Variants in BIN1 observed in about 807,000 individuals in gnomAD.
BIN1 encodes the protein bridging integrator 1, also known as myc box-dependent-interacting protein 1.
A neutral mutation model predicts 82.0 loss-of-function variants in BIN1; 53 were observed. That is an observed-to-expected ratio of 0.65 (90% CI 0.52 to 0.81). The LOEUF is 0.81. Among genes scored for constraint, BIN1 ranks in the 40% least tolerant of loss-of-function variants. The pLI, the probability that BIN1 is intolerant of heterozygous loss-of-function variation, is 0.00. For missense variants in BIN1, 642 were observed against 784.4 expected, an observed-to-expected ratio of 0.82 and a Z score of 2.17; for synonymous variants, 302 against 328.0, an observed-to-expected ratio of 0.92 and a Z score of 0.86.
intron 1 of BIN1, among the ~76,000 whole-genome samples, chr2:127,078,951 G>A (rs1686966890): frequency 1.3e-5 from 2 of 151,300 alleles, no homozygotes; most frequent in South Asian, 4.2e-4. Context: ...GAAGCTCTCA[G>A]AAACAGGGCA....
At chr2:127,106,105 C>T (rs72959057) in intron 1 of BIN1, among the ~76,000 whole-genome samples, 12,902 of 152,258 alleles carry the variant, frequency 0.085, 738 homozygotes, top group African/African-American at 0.16. Context: ...GCCTTCCACG[C>T]GCCTCCTCCA....
Position 127,070,178 on chromosome 2 carries a change from C to T in BIN1, c.316-88G>A. On this transcript the variant is annotated intron_variant, in intron 4 of 18. Transcript: ENST00000316724. ...CACCTCGCAGGGACCAGCCCCAGCCCCATCTCTTCACAGCTCAGTGGCTTC... is the reference window on the plus strand; with the variant it reads ...CACCTCGCAGGGACCAGCCCCAGCCTCATCTCTTCACAGCTCAGTGGCTTC... 24 of 1,092,564 alleles carry T rather than the reference C, an allele frequency of 2.2e-5. No individual in the cohort carries two copies. The South Asian group carries it at 3.0e-4, about 14-fold the overall frequency. 67.7% of individuals were successfully genotyped at this position (1,092,564 alleles called of 1,614,324 possible).
At chr2:127,105,475 CT>C (rs1553490326) in intron 1 of BIN1, among the ~76,000 whole-genome samples, 1 of 60,902 alleles carries the variant, frequency 1.6e-5, no homozygotes, top group Non-Finnish European at 3.7e-5. Context: ...ATCCCTCCTC[CT>C]CCTCCTCCTC....
intron 10 of BIN1, among the ~76,000 whole-genome samples, chr2:127,061,448 A>G (rs1684476775): frequency 6.6e-6 from 1 of 152,168 alleles, no homozygotes; most frequent in South Asian, 2.1e-4. Context: ...GGGTATGCAC[A>G]CACTTACACC....
chr2:127,049,601 C>T (rs573418146), intron 18 of BIN1, among the ~76,000 whole-genome samples: 2 of 152,328 alleles, frequency 1.3e-5, no homozygotes, highest in South Asian at 2.1e-4. Context: ...AGGAAGAAGC[C>T]GGCCAGGCCC....
At chr2:127,051,273 A>T (rs1357110376) in intron 15 of BIN1, 30 bp from the exon 16 acceptor site, 1 of 1,610,438 alleles carries the variant, frequency 6.2e-7, no homozygotes, top group Non-Finnish European at 8.5e-7. Context: ...TTGGGGTCAG[A>T]CACAGGACAG....
At chr2:127,077,289 T>G (rs1005863592) in intron 1 of BIN1, among the ~76,000 whole-genome samples, 5 of 151,850 alleles carry the variant, frequency 3.3e-5, no homozygotes, top group African/African-American at 4.8e-5. Context: ...AGATGTGACC[T>G]GCCCCAGGCA....
intron 1 of BIN1, among the ~76,000 whole-genome samples, chr2:127,083,859 C>G (rs576144966): frequency 3.3e-5 from 5 of 152,280 alleles, no homozygotes; most frequent in Non-Finnish European, 5.9e-5. Context: ...TGAGGAAGTT[C>G]AGGTTAAAGG....
chr2:127,060,452 C>T (rs931986961), intron 10 of BIN1: 27 of 1,263,038 alleles, frequency 2.1e-5, no homozygotes, highest in Non-Finnish European at 2.4e-5. Context: ...CCACCCAACA[C>T]GCACACGACA....
chr2:127,086,601 C>T (rs1322807435), intron 1 of BIN1, among the ~76,000 whole-genome samples: 1 of 151,754 alleles, frequency 6.6e-6, no homozygotes, highest in Non-Finnish European at 1.5e-5. Context: ...TCTGCCTCCC[C>T]GGTTCAAGCA....
intron 1 of BIN1, among the ~76,000 whole-genome samples, chr2:127,105,935 C>G (rs1681059793): frequency 6.6e-6 from 1 of 152,248 alleles, no homozygotes; most frequent in South Asian, 2.1e-4. Context: ...TGGCGTGATC[C>G]AATTCAATAA....
chr2:127,068,174 G>A lies in BIN1; in HGVS notation c.601C>T (p.Leu201Phe). ...GAAGCCAGTGTCACCTGATTTCGGA[G>A]CAGGTTAGTTTGAGCTACGAGATGA... ...QAHLVAQTNL[L>F]RNQAEEELIK... The change falls in exon 7 of 19, where the codon CTC becomes TTC. Residue 201 changes from leucine to phenylalanine, a missense_variant. By Grantham distance (22) the Leu-to-Phe change is conservative. Transcript: ENST00000316724. This position sits in a 1 kb window ranked among gnomAD's most constrained non-coding sequence, Gnocchi z 4.9. 1 of 1,613,708 alleles carries A rather than the reference G, an allele frequency of 6.2e-7. No individual in the cohort carries two copies. Among genetic ancestry groups the A allele is most frequent in the South Asian group, 1.1e-5 (1 of 90,982 alleles).
chr2:127,082,942 G>A lies in BIN1; in HGVS notation c.85-6236C>T, dbSNP rs1687484799. 6.6e-6 allele frequency among the ~76,000 whole-genome samples: 1 copy of A among 152,008 alleles called. No homozygotes were observed. Among genetic ancestry groups the A allele is most frequent in the South Asian group, 2.1e-4 (1 of 4,810 alleles). On this transcript the variant is annotated intron_variant, in intron 1 of 18. Coordinates refer to ENST00000316724, the MANE Select transcript of BIN1 (RefSeq NM_139343.3). This position sits in a 1 kb window ranked among gnomAD's most constrained non-coding sequence, Gnocchi z 6.1. ...CCCACCACTCACCTCCACATTTCAT[G>A]TGGCCCTCTCACCTCCTTATTTTCA...
Position 127,053,955 on chromosome 2 carries a change from G to A in BIN1, c.1189C>T (p.Pro397Ser). The A allele has an allele frequency of 6.4e-7, 1 of 1,551,774 alleles. No homozygotes were observed. Among genetic ancestry groups the A allele is most frequent in the Non-Finnish European group, 8.7e-7 (1 of 1,147,132 alleles). ...ACAGGGCTCGTCACGGGCGGGAGGG[G>A]GTCAAAGTCCAGGTCCAGCAGACTG... ...QASLLDLDFD[P>S]LPPVTSPVKA... Residue 397 changes from proline (P) to serine (S), a missense_variant, in exon 13 of 19, where the codon CCC becomes TCC. Pro to Ser is a moderately conservative substitution (Grantham distance 74, BLOSUM62 -1). Transcript: ENST00000316724.
intron 15 of BIN1, 127 bp downstream of exon 15, chr2:127,052,128 C>T: frequency 9.6e-7 from 1 of 1,045,114 alleles, no homozygotes; most frequent in Non-Finnish European, 1.4e-6. Flanking sequence ...TAGCTCAGGA[C>T]CCTGTCCTCA....
rs139598933 is a variant in BIN1, at chr2:127,051,108, C to T, written c.1461+46G>A. The T allele has an allele frequency of 8.6e-4, 1,385 of 1,606,310 alleles. 9 individuals are homozygous for T. In the African/African-American group the frequency reaches 0.016, roughly 18 times the overall value. On this transcript the variant is annotated intron_variant, in intron 16 of 18. Transcript: ENST00000316724. ...CACAGGGGAGCCCCGGACAGGCAGG[C>T]GGGCGGCAGGGAGGAAAAGGCAGGG...
intron 7 of BIN1, among the ~76,000 whole-genome samples, chr2:127,064,379 C>G (rs1056173382): frequency 1.3e-5 from 2 of 152,210 alleles, no homozygotes; most frequent in African/African-American, 4.8e-5. Flanking sequence ...AAGTGGGGAC[C>G]CTGCCCACTT....
Position 127,106,986 on chromosome 2 carries a change from G to T in BIN1, c.-43C>A. On this transcript the variant is annotated 5_prime_UTR_variant, in exon 1 of 19. Coordinates refer to ENST00000316724, the MANE Select transcript of BIN1 (RefSeq NM_139343.3). ...CCGGTGGCAGGGGCCGCTCTCGCGC[G>T]GGGAGATCTTGCGCGCCGCGCTCCC... 1 of 1,577,388 alleles carries T rather than the reference G, an allele frequency of 6.3e-7. No individual in the cohort carries two copies. The highest frequency in any genetic ancestry group is 2.5e-5 in the East Asian group (1 of 40,786).
At chr2:127,089,739 C>T (rs1320683990) in intron 1 of BIN1, among the ~76,000 whole-genome samples, 4 of 152,152 alleles carry the variant, frequency 2.6e-5, no homozygotes, top group African/African-American at 9.7e-5. Flanking sequence ...GTAGGAGACA[C>T]TGCTGGGGCA....
Sources: allele counts gnomAD v4.1 joint callset (sites outside exome capture counted in the v4.1 genomes callset), GRCh38; gene constraint gnomAD v4.1.1; non-coding constraint Gnocchi (gnomAD v3.1); transcripts MANE v1.5; gene names NCBI Gene and HGNC (gene_info 2026-07-23, HGNC 2026-07-21).